WIF1: variants seen among roughly 807,000 people sequenced by gnomAD.
The protein encoded by WIF1 is Wnt inhibitory factor 1.
In WIF1, 35 loss-of-function variants were observed where a neutral mutation model predicts 53.5. The observed-to-expected ratio is 0.65, with a 90% CI of 0.50 to 0.87. The LOEUF is 0.87. WIF1 is among the 40% of genes least tolerant of loss of function. WIF1 has a pLI of 0.00. For synonymous variants in WIF1, 171 were observed against 170.4 expected, an observed-to-expected ratio of 1.00 and a Z score of -0.03; for missense variants, 467 against 476.8, an observed-to-expected ratio of 0.98 and a Z score of 0.19.
chr12:65,072,259 G>A (rs1266426177), intron 3 of WIF1, among the ~76,000 whole-genome samples: 1 of 152,146 alleles, frequency 6.6e-6, no homozygotes, highest in African/African-American at 2.4e-5. Flanking sequence ...TGCTTGGAAT[G>A]TTCTTTCTTG....
At chr12:65,092,273 C>G (rs529600091) in intron 2 of WIF1, among the ~76,000 whole-genome samples, 2 of 146,184 alleles carry the variant, frequency 1.4e-5, no homozygotes, top group East Asian at 2.1e-4. Flanking sequence ...CATCACACAC[C>G]GGGGCTTGTC....
intron 2 of WIF1, among the ~76,000 whole-genome samples, chr12:65,091,971 G>A (rs1437093898): frequency 6.6e-6 from 1 of 152,092 alleles, no homozygotes; most frequent in East Asian, 1.9e-4. Context: ...AAGAGGAGGA[G>A]ACACATAATT....
At chr12:65,068,520 G>A (rs917097513) in intron 4 of WIF1, among the ~76,000 whole-genome samples, 5 of 152,058 alleles carry the variant, frequency 3.3e-5, no homozygotes, top group Non-Finnish European at 5.9e-5. Context: ...GTTTTGAAAC[G>A]TTTCCTATTC....
chr12:65,105,088 C>G (rs536810358), intron 2 of WIF1, among the ~76,000 whole-genome samples: 29 of 151,900 alleles, frequency 1.9e-4, no homozygotes, highest in Non-Finnish European at 8.8e-5. Flanking sequence ...AGGAGAGAAC[C>G]AAGACCAGGA....
At chr12:65,079,211 C>CTA (rs1882911499) in intron 2 of WIF1, among the ~76,000 whole-genome samples, 1 of 146,058 alleles carries the variant, frequency 6.8e-6, no homozygotes, top group African/African-American at 2.5e-5. Context: ...ACTAGAGATG[C>CTA]TATAGACATT....
rs185626996 is a variant in WIF1, at chr12:65,110,443, A to C, written c.288+9974T>G. 4.6e-5 allele frequency among the ~76,000 whole-genome samples: 7 copies of C among 152,148 alleles called. No individual in the cohort carries two copies. In the East Asian group the frequency reaches 1.2e-3, roughly 25 times the overall value. The stretch of plus-strand genomic sequence containing the variant: ...CTTTGAGCTCCAGTTCCACTGTTAC[A>C]TGTCTCCTCGGTGAAGCCTTCCTCT... On this transcript the variant is annotated intron_variant, in intron 2 of 9. Transcript: ENST00000286574.
In WIF1 at chr12:65,062,685, A is replaced by G. The variant is rs12308789; in HGVS notation, c.731-109T>C. 6.6e-3 allele frequency: 6,167 copies of G among 937,522 alleles called. 292 individuals are homozygous for G. In the African/African-American group the frequency reaches 0.095, roughly 14 times the overall value. The allele number at this position is 937,522 out of a possible 1,614,324, so 58.1% of individuals were successfully genotyped here. ...TTAGGCATCTGCTTGCTACTTGCCC[A>G]TTTCCTGACTTAATAAAATAAGCTG... On this transcript the variant is annotated intron_variant, in intron 6 of 9. Coordinates refer to ENST00000286574, the MANE Select transcript of WIF1 (RefSeq NM_007191.5).
intron 1 of WIF1, 47 bp from the exon 2 acceptor site, chr12:65,120,603 C>A (rs764031395): frequency 1.9e-6 from 3 of 1,571,886 alleles, no homozygotes; most frequent in South Asian, 1.2e-5. Context: ...GACTTGAAAT[C>A]ATCTAAATCA....
chr12:65,081,584 T>TC (rs1367395418), intron 2 of WIF1, among the ~76,000 whole-genome samples: 7 of 152,148 alleles, frequency 4.6e-5, no homozygotes, highest in Admixed American at 2.0e-4. Context: ...CACAAAAGTG[T>TC]CCCTTTTATT....
At chr12:65,053,649 C>T (rs1250698695) in intron 9 of WIF1, among the ~76,000 whole-genome samples, 2 of 152,052 alleles carry the variant, frequency 1.3e-5, no homozygotes, top group Non-Finnish European at 2.9e-5. Flanking sequence ...TACTCAGTCT[C>T]TGAAAGTTCT....
In WIF1 at chr12:65,082,530, A is replaced by G. The variant is rs545915708; in HGVS notation, c.289-4676T>C. On this transcript the variant is annotated intron_variant, in intron 2 of 9. Transcript: ENST00000286574. ...AATTCACTGGCATGGTTTGCCATGC[A>G]GTAAATTTTCTTTTCATGGAGAAGC... Among the ~76,000 whole-genome samples the G allele has an allele frequency of 1.6e-3, 241 of 152,330 alleles. 1 individual carries two copies. The highest frequency in any genetic ancestry group is 0.01 in the Middle Eastern group (3 of 294).
intron 9 of WIF1, among the ~76,000 whole-genome samples, chr12:65,053,875 A>T (rs1344924441): frequency 6.6e-6 from 1 of 151,266 alleles, no homozygotes; most frequent in African/African-American, 2.4e-5. Context: ...TCAAATTTAA[A>T]ATATAAAAAA....
intron 9 of WIF1, among the ~76,000 whole-genome samples, chr12:65,054,600 C>T (rs550814525): frequency 1.3e-5 from 2 of 152,296 alleles, no homozygotes; most frequent in Admixed American, 1.3e-4. Flanking sequence ...TAAACCTTTT[C>T]TTTCCCTCAA....
chr12:65,110,304 C>A (rs1883411119), intron 2 of WIF1, among the ~76,000 whole-genome samples: 1 of 151,626 alleles, frequency 6.6e-6, no homozygotes, highest in Non-Finnish European at 1.5e-5. Flanking sequence ...CAAGCCCCAG[C>A]CTCATTAACA....
chr12:65,088,294 C>A (rs777199738), intron 2 of WIF1, among the ~76,000 whole-genome samples: 1 of 152,078 alleles, frequency 6.6e-6, no homozygotes, highest in African/African-American at 2.4e-5. Flanking sequence ...TGTCAATATC[C>A]ACAAAGAAAA....
intron 2 of WIF1, among the ~76,000 whole-genome samples, chr12:65,112,404 T>TCACA (rs758383148): frequency 0.083 from 10,259 of 123,398 alleles, 625 homozygotes; most frequent in Non-Finnish European, 0.11. Flanking sequence ...CCTGCTCTAA[T>TCACA]CACACACACA....
chr12:65,055,201 G>C lies in WIF1; in HGVS notation c.935C>G (p.Pro312Arg). Reference protein sequence around the residue: ...GDLCSKPVCEPGCGAHGTCHE... With the variant: ...GDLCSKPVCERGCGAHGTCHE... ...GCAGGTTCCATGTGCACCACAGCCA[G>C]GCTCGCAGACAGCTAGAATCAAAAG... The change falls in exon 9 of 10, where the codon CCT becomes CGT. Residue 312 changes from proline (P) to arginine (R), a missense_variant. Physicochemically the swap from Pro to Arg is moderately radical, Grantham distance 103. Coordinates refer to ENST00000286574, the MANE Select transcript of WIF1 (RefSeq NM_007191.5). The C allele has an allele frequency of 6.2e-7, 1 of 1,613,868 alleles. No homozygotes were observed. The highest frequency in any genetic ancestry group is 8.5e-7 in the Non-Finnish European group (1 of 1,179,930).
chr12:65,091,334 A>G (rs954889731), intron 2 of WIF1, among the ~76,000 whole-genome samples: 2 of 148,072 alleles, frequency 1.4e-5, no homozygotes, highest in East Asian at 1.9e-4. Context: ...ATATATATAT[A>G]TTCCATATAT....
At chr12:65,113,547 C>A (rs1303242892) in intron 2 of WIF1, among the ~76,000 whole-genome samples, 4 of 151,888 alleles carry the variant, frequency 2.6e-5, no homozygotes, top group Non-Finnish European at 5.9e-5. Flanking sequence ...TGCCATAGAA[C>A]CAGATGTGGC....
Sources: allele counts gnomAD v4.1 joint callset (sites outside exome capture counted in the v4.1 genomes callset), GRCh38; gene constraint gnomAD v4.1.1; transcripts MANE v1.5; gene names NCBI Gene and HGNC (gene_info 2026-07-23, HGNC 2026-07-21).